The following ALDH1A1 variants were observed in gnomAD, a reference collection of about 807,000 sequenced individuals.
The protein encoded by ALDH1A1 is aldehyde dehydrogenase 1A1.
In ALDH1A1, 19 loss-of-function variants were observed where a neutral mutation model predicts 62.1. The observed-to-expected ratio is 0.31, with a 90% CI of 0.21 to 0.45. The LOEUF is 0.45. Ranked by LOEUF, ALDH1A1 falls within the 20% of genes least tolerant of loss-of-function variation. ALDH1A1 has a pLI of 1.00. For missense variants in ALDH1A1, 521 were observed against 607.1 expected (o/e 0.86, Z 1.49); for synonymous variants, 231 against 215.9 (o/e 1.07, Z -0.61).
intron 7 of ALDH1A1, among the ~76,000 whole-genome samples, chr9:72,922,776 T>C (rs1830160013): frequency 1.3e-5 from 2 of 152,220 alleles, no homozygotes; most frequent in South Asian, 4.1e-4. Flanking sequence ...CATTTTTAAA[T>C]GTATTGCCAT....
chr9:72,912,868 C>T (rs1319720925), intron 9 of ALDH1A1, among the ~76,000 whole-genome samples: 5 of 152,128 alleles, frequency 3.3e-5, no homozygotes, highest in Admixed American at 3.3e-4. Flanking sequence ...TTGTGAACAC[C>T]AGGAACACGT....
intron 2 of ALDH1A1, among the ~76,000 whole-genome samples, chr9:72,939,368 A>G (rs1448363682): frequency 1.3e-5 from 2 of 152,146 alleles, no homozygotes; most frequent in East Asian, 3.8e-4. Flanking sequence ...TTGTTAGTCA[A>G]TTTAAGTTAT....
At chr9:72,947,588 A>G (rs1190461476) in intron 1 of ALDH1A1, among the ~76,000 whole-genome samples, 1 of 151,984 alleles carries the variant, frequency 6.6e-6, no homozygotes, top group Non-Finnish European at 1.5e-5. Context: ...CTCTTCTCTT[A>G]GGATATGTGT....
rs2118464469 is a variant in ALDH1A1, at chr9:72,900,745, A to T, written c.*463T>A. The T allele has an allele frequency of 6.6e-6, 1 of 152,666 alleles. No individual in the cohort carries two copies. Among genetic ancestry groups the T allele is most frequent in the Admixed American group, 6.5e-5 (1 of 15,308 alleles). The allele number at this position is 152,666 out of a possible 1,614,324, so 9.5% of individuals were successfully genotyped here. A position where few individuals can be genotyped will look rare whatever the true frequency, so the allele number is the denominator to read the frequency against. ...ATTACAGGGATTATTTCTTTTGACA[A>T]GCAGACATGACATCCTAGGAAACTT... is the stretch of plus-strand genomic sequence containing the variant. On this transcript the variant is annotated 3_prime_UTR_variant, in exon 13 of 13. Transcript: ENST00000297785.
intron 11 of ALDH1A1, among the ~76,000 whole-genome samples, chr9:72,906,883 C>T (rs1027162160): frequency 2.0e-5 from 3 of 152,086 alleles, no homozygotes; most frequent in African/African-American, 7.2e-5. Flanking sequence ...CTTCCAGAGC[C>T]TGGGTTAGTA....
chr9:72,935,746 T>G (rs1163681603), intron 2 of ALDH1A1, among the ~76,000 whole-genome samples: 1 of 152,134 alleles, frequency 6.6e-6, no homozygotes, highest in African/African-American at 2.4e-5. Flanking sequence ...ATAATACCGT[T>G]GAAAGGCGGT....
intron 3 of ALDH1A1, among the ~76,000 whole-genome samples, chr9:72,930,276 A>G (rs1035893100): frequency 3.3e-5 from 5 of 152,206 alleles, no homozygotes; most frequent in Non-Finnish European, 7.3e-5. Flanking sequence ...AGTATTCATA[A>G]AAACATGATT....
rs1186099281 is a variant in ALDH1A1, at chr9:72,901,078, T to C, written c.*130A>G. ...TCAAGTTTTCTATGGGTAGTATTAATACTAATATGATTTAGCTTATGTTTA... is the reference window on the plus strand; with the variant it reads ...TCAAGTTTTCTATGGGTAGTATTAACACTAATATGATTTAGCTTATGTTTA... On this transcript the variant is annotated 3_prime_UTR_variant, in exon 13 of 13. Transcript: ENST00000297785. 1.6e-6 allele frequency: 1 copy of C among 607,792 alleles called. No homozygotes were observed. Among genetic ancestry groups the C allele is most frequent in the East Asian group, 2.8e-5 (1 of 35,986 alleles). The allele number at this position is 607,792 out of a possible 1,614,324, so 37.6% of individuals were successfully genotyped here.
intron 1 of ALDH1A1, chr9:72,942,386 T>C: frequency 1.0e-6 from 1 of 984,916 alleles, no homozygotes; most frequent in Non-Finnish European, 1.2e-6. Flanking sequence ...CCCCCAGCCC[T>C]ATCTCTCACA....
Position 72,944,641 on chromosome 9 carries a change from A to C in ALDH1A1, c.67-4389T>G, listed in dbSNP as rs552230620. ...TTGTTATAATAATTATAAAATTTAC[A>C]TTAGGCTTGTTTAATGTTCTATAAT... On this transcript the variant is annotated intron_variant, in intron 1 of 12. Coordinates refer to ENST00000297785, the MANE Select transcript of ALDH1A1 (RefSeq NM_000689.5). Among the ~76,000 whole-genome samples the C allele has an allele frequency of 2.0e-5, 3 of 152,220 alleles. No homozygotes were observed. In the East Asian group the frequency reaches 5.8e-4, roughly 29 times the overall value.
intron 9 of ALDH1A1, among the ~76,000 whole-genome samples, chr9:72,914,427 A>C (rs1830034377): frequency 6.6e-6 from 1 of 152,150 alleles, no homozygotes; most frequent in African/African-American, 2.4e-5. Context: ...ATTATTCTTC[A>C]AGATTGAGGT....
intron 2 of ALDH1A1, among the ~76,000 whole-genome samples, chr9:72,938,469 C>T (rs348452): frequency 0.3 from 45,493 of 151,796 alleles, 7,009 homozygotes; most frequent in East Asian, 0.51. Context: ...TTTTTTGAGA[C>T]GGAGTTTCGC....
intron 2 of ALDH1A1, among the ~76,000 whole-genome samples, chr9:72,933,069 C>A (rs1029549208): frequency 2.2e-4 from 33 of 152,322 alleles, no homozygotes; most frequent in East Asian, 3.9e-4. Context: ...CATGCGCCCC[C>A]TTTTCTCACA....
chr9:72,947,112 G>T (rs1300569070), intron 1 of ALDH1A1, among the ~76,000 whole-genome samples: 1 of 151,928 alleles, frequency 6.6e-6, no homozygotes, highest in South Asian at 2.1e-4. Context: ...CAGTCAGGCA[G>T]GTGCCAGAAA....
chr9:72,930,890 G>C lies in ALDH1A1; in HGVS notation c.301C>G (p.Leu101Val), dbSNP rs776505091. The change falls in exon 3 of 13, where the codon CTG becomes GTG. Residue 101 changes from leucine to valine, a missense_variant. Physicochemically the swap from Leu to Val is conservative, Grantham distance 32 (BLOSUM62 1). Transcript: ENST00000297785. ...KLADLIERDR[L>V]LLATMESMNG... ...TGGATAATACTCACCGCCAGCAGCAGACGATCTCTTTCGATTAAATCAGCC... is the reference window on the plus strand; with the variant it reads ...TGGATAATACTCACCGCCAGCAGCACACGATCTCTTTCGATTAAATCAGCC... 6.2e-7 allele frequency: 1 copy of C among 1,614,024 alleles called. No homozygotes were observed. Among genetic ancestry groups the C allele is most frequent in the South Asian group, 1.1e-5 (1 of 91,066 alleles).
chr9:72,929,339 GT>G (rs574831566), intron 3 of ALDH1A1, among the ~76,000 whole-genome samples: 313 of 152,294 alleles, frequency 2.1e-3, no homozygotes, highest in Admixed American at 5.0e-3. Context: ...ATGAAACCTA[GT>G]CTTCTAAGTC....
chr9:72,925,388 T>C, intron 6 of ALDH1A1, 96 bp downstream of exon 6: 6 of 1,423,068 alleles, frequency 4.2e-6, no homozygotes, highest in Non-Finnish European at 4.8e-6. Flanking sequence ...GAGCCATCTG[T>C]AAATAATGTA....
rs199790325 is a variant in ALDH1A1 at position 72,930,866 on chromosome 9, G to A, written c.312+13C>T. ...AGAGCTCTAGCTACCCATCCAGCTT[G>A]GATAATACTCACCGCCAGCAGCAGA... On this transcript the variant is annotated intron_variant, in intron 3 of 12. Coordinates refer to ENST00000297785, the MANE Select transcript of ALDH1A1 (RefSeq NM_000689.5). The A allele has an allele frequency of 3.1e-6, 5 of 1,613,820 alleles. No individual in the cohort carries two copies. Among genetic ancestry groups the A allele is most frequent in the South Asian group, 1.1e-5 (1 of 91,046 alleles).
At chr9:72,926,083 A>G (rs1158059101) in intron 5 of ALDH1A1, among the ~76,000 whole-genome samples, 5 of 152,234 alleles carry the variant, frequency 3.3e-5, no homozygotes, top group Admixed American at 2.0e-4. Context: ...ACTTGGGTTC[A>G]AATCTCAGCT....
Sources: allele counts gnomAD v4.1 joint callset (sites outside exome capture counted in the v4.1 genomes callset), GRCh38; gene constraint gnomAD v4.1.1; transcripts MANE v1.5; gene names NCBI Gene and HGNC (gene_info 2026-07-23, HGNC 2026-07-21).